The following FRS2 variants were observed in gnomAD, a reference collection of about 807,000 sequenced individuals.
FRS2 encodes FGFR signalling adaptor.
FRS2 carries 8 observed loss-of-function variants against 43.9 expected under a neutral mutation model. The observed-to-expected ratio is 0.18, with a 90% confidence interval of 0.11 to 0.33. The LOEUF (loss-of-function observed/expected upper bound fraction) is 0.33. Ranked by LOEUF, FRS2 falls within the 10% of genes least tolerant of loss-of-function variation. FRS2 has a pLI of 1.00. For synonymous variants in FRS2, 219 were observed against 220.3 expected (o/e 0.99, Z 0.05); for missense variants, 534 against 627.6 (o/e 0.85, Z 1.59).
intron 3 of FRS2, among the ~76,000 whole-genome samples, chr12:69,539,927 C>T (rs188341574): frequency 6.6e-6 from 1 of 151,906 alleles, no homozygotes; most frequent in Non-Finnish European, 1.5e-5. Flanking sequence ...TGCACTCCAG[C>T]CTGGGCGACA....
At position 69,562,184 on chromosome 12, in the gene FRS2, A is replaced by T. The variant is rs1879932250; in HGVS notation, c.-117A>T. ...ATGTTTTTCTTCTGTTTTTAGGTTA[A>T]ATCAGCAAACAAAGAAAACATGGTA... On this transcript the variant is annotated 5_prime_UTR_variant, in exon 4 of 9. An upstream open reading frame in the 5' UTR loses its in-frame stop. Coordinates refer to ENST00000549921, the MANE Select transcript of FRS2 (RefSeq NM_001278356.2). The T allele has an allele frequency of 5.0e-6, 2 of 398,088 alleles. No homozygotes were observed. Among genetic ancestry groups the T allele is most frequent in the African/African-American group, 4.1e-5 (2 of 48,618 alleles). The allele number at this position is 398,088 out of a possible 1,614,324, so 24.7% of individuals were successfully genotyped here.
intron 3 of FRS2, among the ~76,000 whole-genome samples, chr12:69,560,325 G>A (rs1026638363): frequency 6.6e-6 from 1 of 152,158 alleles, no homozygotes; most frequent in Non-Finnish European, 1.5e-5. Flanking sequence ...GCTCTGTGAA[G>A]TGGGTGTCCT....
In FRS2 at chr12:69,472,251, TA is replaced by T. The variant is rs201765240; in HGVS notation, c.-261+1723del. Among the ~76,000 whole-genome samples, 14 of 142,898 alleles carry T rather than the reference TA, an allele frequency of 9.8e-5. 1 individual carries two copies. The highest frequency in any genetic ancestry group is 2.2e-4 in the South Asian group (1 of 4,598). 93.7% of individuals were successfully genotyped at this position (142,898 alleles called of 152,430 possible). A position where few individuals can be genotyped will look rare whatever the true frequency, so the allele number is the denominator to read the frequency against. On this transcript the variant is annotated intron_variant, in intron 1 of 8. Coordinates refer to ENST00000549921, the MANE Select transcript of FRS2 (RefSeq NM_001278356.2). ...ATAGGCACCAACCACCACACCTGGC[TA>T]ATTTTTTTTTTTTTTTTTTTTGTAG...
At chr12:69,541,713 T>C (rs1204781174) in intron 3 of FRS2, among the ~76,000 whole-genome samples, 1 of 151,250 alleles carries the variant, frequency 6.6e-6, no homozygotes, top group East Asian at 2.0e-4. Context: ...TAGTCCCAGC[T>C]ACTCGGGAGA....
chr12:69,512,002 T>G (rs1874505715), intron 1 of FRS2, among the ~76,000 whole-genome samples: 1 of 152,254 alleles, frequency 6.6e-6, no homozygotes, highest in African/African-American at 2.4e-5. Context: ...CCCATTGCTT[T>G]GTAACAGAGG....
At chr12:69,519,898 G>A (rs1393862191) in intron 1 of FRS2, among the ~76,000 whole-genome samples, 1 of 152,202 alleles carries the variant, frequency 6.6e-6, no homozygotes, top group African/African-American at 2.4e-5. Flanking sequence ...ATGACAGAAC[G>A]ATTTATATTC....
chr12:69,539,220 A>G (rs1877636011), intron 3 of FRS2, among the ~76,000 whole-genome samples: 1 of 152,070 alleles, frequency 6.6e-6, no homozygotes, highest in Non-Finnish European at 1.5e-5. Context: ...GATTACAGGC[A>G]CACATCACCA....
At chr12:69,488,399 A>G (rs550976828) in intron 1 of FRS2, among the ~76,000 whole-genome samples, 33 of 152,356 alleles carry the variant, frequency 2.2e-4, no homozygotes, top group African/African-American at 7.0e-4. Flanking sequence ...TCAGATGATC[A>G]TTAGCATTTT....
At chr12:69,533,027 C>G (rs556530977) in intron 3 of FRS2, among the ~76,000 whole-genome samples, 1 of 152,262 alleles carries the variant, frequency 6.6e-6, no homozygotes, top group South Asian at 2.1e-4. Context: ...TCTCATTTTA[C>G]AAATGAGGAA....
intron 1 of FRS2, among the ~76,000 whole-genome samples, chr12:69,503,274 G>A (rs1051676646): frequency 3.3e-5 from 5 of 152,052 alleles, no homozygotes; most frequent in Admixed American, 1.3e-4. Context: ...GGAGAATATC[G>A]TTTTTGTCTA....
rs563033843 is a variant in FRS2, at chr12:69,482,429, T to C, written c.-261+11899T>C. Reference sequence around the variant, plus strand: ...GGTAGAAGCTGGGCCTTTTTCCCCCTAACCCTCTACCTCCCATTCCCAGTT... The same window carrying C: ...GGTAGAAGCTGGGCCTTTTTCCCCCCAACCCTCTACCTCCCATTCCCAGTT... On this transcript the variant is annotated intron_variant, in intron 1 of 8. Transcript: ENST00000549921. Among the ~76,000 whole-genome samples, 7 of 152,298 alleles carry C rather than the reference T, an allele frequency of 4.6e-5. No individual in the cohort carries two copies. The South Asian group carries it at 1.5e-3, about 32-fold the overall frequency.
chr12:69,552,813 AC>A lies in FRS2; in HGVS notation c.-121-9364del, dbSNP rs1879010146. 3.3e-5 allele frequency among the ~76,000 whole-genome samples: 5 copies of A among 151,510 alleles called. No individual in the cohort carries two copies. The South Asian group carries it at 8.3e-4, about 25-fold the overall frequency. Reference sequence around the variant, plus strand: ...AGGCTGAGGCAGGAGAATTGCTTGAACCCAGGGGGCAGAGGTTGCAGTGAGC... The same window carrying A: ...AGGCTGAGGCAGGAGAATTGCTTGAACCAGGGGGCAGAGGTTGCAGTGAGC... On this transcript the variant is annotated intron_variant, in intron 3 of 8. Coordinates refer to ENST00000549921, the MANE Select transcript of FRS2 (RefSeq NM_001278356.2).
chr12:69,512,154 C>T (rs1189617305), intron 1 of FRS2, among the ~76,000 whole-genome samples: 1 of 152,180 alleles, frequency 6.6e-6, no homozygotes, highest in Non-Finnish European at 1.5e-5. Flanking sequence ...ACACACCCTC[C>T]CTCCCTGTTC....
intron 2 of FRS2, 103 bp downstream of exon 2, chr12:69,531,063 C>T (rs1592999953): frequency 6.6e-6 from 1 of 151,108 alleles, no homozygotes; most frequent in Non-Finnish European, 1.5e-5. Flanking sequence ...GGCATGGTGG[C>T]TCATACCTGT....
At chr12:69,494,228 C>T (rs538566462) in intron 1 of FRS2, among the ~76,000 whole-genome samples, 45 of 152,024 alleles carry the variant, frequency 3.0e-4, no homozygotes, top group African/African-American at 3.6e-4. Flanking sequence ...TTTTGATAGG[C>T]GATAAAATAA....
chr12:69,485,679 G>A (rs1871870692), intron 1 of FRS2, among the ~76,000 whole-genome samples: 1 of 151,492 alleles, frequency 6.6e-6, no homozygotes, highest in Non-Finnish European at 1.5e-5. Context: ...TTTTGGCCAG[G>A]CTGGTCTGGA....
At chr12:69,519,570 C>G (rs547228492) in intron 1 of FRS2, among the ~76,000 whole-genome samples, 33 of 144,706 alleles carry the variant, frequency 2.3e-4, no homozygotes, top group Non-Finnish European at 3.6e-4. Context: ...CCTCCACCCT[C>G]TGGTAGGCCA....
At chr12:69,525,092 T>G (rs11177702) in intron 1 of FRS2, among the ~76,000 whole-genome samples, 8,396 of 152,148 alleles carry the variant, frequency 0.055, 580 homozygotes, top group East Asian at 0.38. Flanking sequence ...GGGAGCTGTT[T>G]CTCCTGGCTT....
At chr12:69,564,285 T>C (rs1175476134) in intron 4 of FRS2, among the ~76,000 whole-genome samples, 2 of 151,996 alleles carry the variant, frequency 1.3e-5, no homozygotes, top group African/African-American at 2.4e-5. Context: ...TCTCTACTCC[T>C]GTATTTAAAC....
Sources: allele counts gnomAD v4.1 joint callset (sites outside exome capture counted in the v4.1 genomes callset), GRCh38; gene constraint gnomAD v4.1.1; transcripts MANE v1.5; gene names NCBI Gene and HGNC (gene_info 2026-07-23, HGNC 2026-07-21).